The following NEBL variants were observed in gnomAD, a reference collection of about 807,000 sequenced individuals.
The protein encoded by NEBL is nebulette, also known as LIM and SH3 protein 2.
NEBL carries 122 observed loss-of-function variants against 140.2 expected under a neutral mutation model. The ratio of observed to expected loss-of-function variants is 0.87; its 90% CI spans 0.75 to 1.01. NEBL has a LOEUF of 1.01. NEBL is among the 50% of genes least tolerant of loss of function. The pLI is 0.00. For synonymous variants in NEBL, 436 were observed against 398.9 expected, an observed-to-expected ratio of 1.09 and a Z score of -1.11; for missense variants, 1,365 against 1,231.3, an observed-to-expected ratio of 1.11 and a Z score of -1.62.
intron 2 of NEBL, among the ~76,000 whole-genome samples, chr10:21,249,491 T>A (rs1779997360): frequency 6.6e-6 from 1 of 152,048 alleles, no homozygotes; most frequent in African/African-American, 2.4e-5. Context: ...CTACAAGAGT[T>A]TTATGGTTTT....
chr10:20,805,183 A>T (rs2130737109), intron 26 of NEBL, among the ~76,000 whole-genome samples: 1 of 152,312 alleles, frequency 6.6e-6, no homozygotes, highest in Admixed American at 6.5e-5. Context: ...GTTGTCACTT[A>T]GCAAACTGGG....
At chr10:21,080,881 A>G (rs1453732381) in intron 2 of NEBL, among the ~76,000 whole-genome samples, 1 of 152,020 alleles carries the variant, frequency 6.6e-6, no homozygotes, top group African/African-American at 2.4e-5. Flanking sequence ...TTTGAGATGG[A>G]GTATCACTCT....
At chr10:20,867,573 G>C (rs751298386) in intron 7 of NEBL, among the ~76,000 whole-genome samples, 2 of 151,972 alleles carry the variant, frequency 1.3e-5, no homozygotes, top group African/African-American at 2.4e-5. Context: ...TGGATTTCTG[G>C]TCTTGCTTAA....
In NEBL at chr10:20,906,860, TCTC is replaced by T. The variant is rs373134143; in HGVS notation, c.357+54809_357+54811del. Among the ~76,000 whole-genome samples, 358 of 152,252 alleles carry T rather than the reference TCTC, an allele frequency of 2.4e-3. 2 individuals are homozygous for T. The highest frequency in any genetic ancestry group is 8.4e-3 in the African/African-American group (349 of 41,564). Reference sequence around the variant, plus strand: ...AAACCAACAAAAATCTCTAACTTTCTCTCCTATTTCAATCATACATTCATTTAT... The same window carrying T: ...AAACCAACAAAAATCTCTAACTTTCTCTATTTCAATCATACATTCATTTAT... On this transcript the variant is annotated intron_variant, in intron 4 of 6. Coordinates refer to the NEBL transcript ENST00000417816.
chr10:21,209,984 C>T (rs931948338), intron 3 of NEBL, among the ~76,000 whole-genome samples: 1 of 152,104 alleles, frequency 6.6e-6, no homozygotes, highest in Non-Finnish European at 1.5e-5. Context: ...AAACCAGACC[C>T]ATTTGGTTAA....
intron 9 of NEBL, among the ~76,000 whole-genome samples, chr10:20,856,106 TTCTC>T (rs1027707062): frequency 6.6e-6 from 1 of 152,170 alleles, no homozygotes; most frequent in African/African-American, 2.4e-5. Flanking sequence ...TTTTAAGTCT[TTCTC>T]TCCCAGGAAG....
chr10:21,039,506 GT>G (rs1164336578), intron 2 of NEBL, among the ~76,000 whole-genome samples: 2 of 152,090 alleles, frequency 1.3e-5, no homozygotes, highest in African/African-American at 4.8e-5. Flanking sequence ...TTTTTGTCAG[GT>G]TTGTTGAAGA....
chr10:20,813,031 C>T, intron 23 of NEBL, 91 bp from the exon 24 acceptor site: 2 of 1,062,270 alleles, frequency 1.9e-6, no homozygotes, highest in Non-Finnish European at 2.9e-6. Context: ...ACTGCACTGG[C>T]TGCGTGCAGA....
At chr10:21,035,572 C>A (rs1833981380) in intron 2 of NEBL, among the ~76,000 whole-genome samples, 3 of 152,052 alleles carry the variant, frequency 2.0e-5, no homozygotes, top group Admixed American at 1.3e-4. Context: ...AACTAAAACT[C>A]AATAGGTCAT....
chr10:20,812,669 T>C, intron 24 of NEBL, 100 bp downstream of exon 24: 1 of 1,421,492 alleles, frequency 7.0e-7, no homozygotes, highest in Non-Finnish European at 9.9e-7. Context: ...ACAACCAACA[T>C]GTGATGAGGA....
chr10:21,124,850 A>G (rs1296162858), intron 2 of NEBL, among the ~76,000 whole-genome samples: 2 of 152,186 alleles, frequency 1.3e-5, no homozygotes, highest in Admixed American at 1.3e-4. Context: ...AGTCCCAGCT[A>G]CTCAGGAGAC....
At chr10:21,122,062 A>G (rs566913296) in intron 2 of NEBL, among the ~76,000 whole-genome samples, 43 of 151,454 alleles carry the variant, frequency 2.8e-4, no homozygotes, top group Non-Finnish European at 5.9e-4. Flanking sequence ...GTCTCTTTCT[A>G]TCACCCAGAC....
intron 26 of NEBL, among the ~76,000 whole-genome samples, chr10:20,806,596 T>G (rs780435669): frequency 6.6e-6 from 1 of 152,234 alleles, no homozygotes; most frequent in African/African-American, 2.4e-5. Context: ...GTCACAGGCC[T>G]GATTCTGCTC....
chr10:20,838,428 A>G (rs1442586590), intron 13 of NEBL, among the ~76,000 whole-genome samples: 2 of 152,168 alleles, frequency 1.3e-5, no homozygotes, highest in African/African-American at 4.8e-5. Flanking sequence ...TCATAATCAA[A>G]CTTGAATGGA....
intron 2 of NEBL, among the ~76,000 whole-genome samples, chr10:21,070,903 G>T (rs1835786702): frequency 6.6e-6 from 1 of 152,114 alleles, no homozygotes; most frequent in Non-Finnish European, 1.5e-5. Flanking sequence ...GGCCAAGATG[G>T]CAGTGGCTCA....
chr10:21,157,437 G>A (rs912467453), intron 2 of NEBL, among the ~76,000 whole-genome samples: 10 of 152,106 alleles, frequency 6.6e-5, no homozygotes, highest in African/African-American at 1.9e-4. Flanking sequence ...GGGTATGGTG[G>A]CACGTGCCTG....
intron 26 of NEBL, among the ~76,000 whole-genome samples, chr10:20,798,873 G>C (rs1004055750): frequency 1.3e-5 from 2 of 152,206 alleles, no homozygotes; most frequent in African/African-American, 2.4e-5. Context: ...CTATTCATTA[G>C]TATTTGATCC....
At chr10:21,214,221 CAAAGA>C (rs577847276) in intron 3 of NEBL, among the ~76,000 whole-genome samples, 37 of 151,124 alleles carry the variant, frequency 2.4e-4, no homozygotes, top group Admixed American at 1.9e-3. Context: ...ACACAAAAGG[CAAAGA>C]AAAGTGCTTT....
At chr10:21,281,536 A>G (rs527645770) in intron 1 of NEBL, among the ~76,000 whole-genome samples, 7 of 151,552 alleles carry the variant, frequency 4.6e-5, no homozygotes, top group African/African-American at 1.7e-4. Context: ...TTAGGTTGAC[A>G]TGAAATGGGG....
Sources: gnomAD v4.1 joint callset for allele counts (sites outside exome capture counted in the v4.1 genomes callset) on GRCh38, gnomAD v4.1.1 for gene constraint, MANE v1.5 for transcripts, NCBI Gene and HGNC (gene_info 2026-07-23, HGNC 2026-07-21) for gene names.